PTPRD: variants seen among roughly 807,000 people sequenced by gnomAD.
The protein encoded by PTPRD is receptor-type tyrosine-protein phosphatase delta.
In PTPRD, 34 loss-of-function variants were observed where a neutral mutation model predicts 214.5. The ratio of observed to expected loss-of-function variants is 0.16; its 90% CI spans 0.12 to 0.21. The LOEUF (loss-of-function observed/expected upper bound fraction) is 0.21, where lower values mean the gene tolerates loss of function less well. Ranked by LOEUF, PTPRD falls within the 10% of genes least tolerant of loss-of-function variation. PTPRD has a pLI of 1.00. For missense variants in PTPRD, 2,545 were observed against 2,398.7 expected (o/e 1.06, Z -1.27); for synonymous variants, 1,128 against 845.7 (o/e 1.33, Z -5.79).
At chr9:9,269,901 G>A (rs867153188) in intron 9 of PTPRD, among the ~76,000 whole-genome samples, 1 of 151,152 alleles carries the variant, frequency 6.6e-6, no homozygotes, top group Admixed American at 6.6e-5. Flanking sequence ...CAAACTTTCA[G>A]TTAGAAGGCG....
At chr9:10,564,043 T>C (rs1360824395) in intron 2 of PTPRD, among the ~76,000 whole-genome samples, 1 of 151,788 alleles carries the variant, frequency 6.6e-6, no homozygotes, top group Non-Finnish European at 1.5e-5. Context: ...TCTTGCTCTG[T>C]TACACAGACT....
chr9:8,735,246 T>C (rs974384277), intron 11 of PTPRD, among the ~76,000 whole-genome samples: 9 of 150,564 alleles, frequency 6.0e-5, no homozygotes, highest in African/African-American at 2.2e-4. Context: ...CAGGTTCAAG[T>C]GGTTCTCCTG....
At chr9:9,801,090 T>C (rs1332635612) in intron 5 of PTPRD, among the ~76,000 whole-genome samples, 3 of 152,142 alleles carry the variant, frequency 2.0e-5, no homozygotes, top group Non-Finnish European at 4.4e-5. Context: ...ATCAGACACT[T>C]ATTTAAAAGT....
chr9:9,868,615 C>T (rs933656155), intron 5 of PTPRD, among the ~76,000 whole-genome samples: 1 of 151,756 alleles, frequency 6.6e-6, no homozygotes, highest in Non-Finnish European at 1.5e-5. Context: ...AAAAAAATCC[C>T]TGAGCGGGAG....
intron 7 of PTPRD, among the ~76,000 whole-genome samples, chr9:9,686,238 C>A (rs1415268982): frequency 6.6e-6 from 1 of 151,020 alleles, no homozygotes; most frequent in Non-Finnish European, 1.5e-5. Context: ...TGTATTCTAC[C>A]AATTTTACTC....
rs189321296 is a variant in PTPRD at position 9,428,514 on chromosome 9, G to T, written c.-236-31032C>A. ...ATCAATGAGACAGAAAGTTAAGAAG[G>T]ATATCCAGGAATTGAACTCAGCTCT... is the stretch of plus-strand genomic sequence containing the variant. On this transcript the variant is annotated intron_variant, in intron 8 of 45. Coordinates refer to ENST00000381196, the MANE Select transcript of PTPRD (RefSeq NM_002839.4). Among the ~76,000 whole-genome samples, 63 of 152,210 alleles carry T rather than the reference G, an allele frequency of 4.1e-4. No homozygotes were observed. In the East Asian group the frequency reaches 6.4e-3, roughly 15 times the overall value.
chr9:9,848,821 C>T (rs982615057), intron 5 of PTPRD, among the ~76,000 whole-genome samples: 1 of 152,050 alleles, frequency 6.6e-6, no homozygotes, highest in Non-Finnish European at 1.5e-5. Flanking sequence ...AAACTAATAG[C>T]TATTTGATCT....
intron 10 of PTPRD, among the ~76,000 whole-genome samples, chr9:9,120,282 G>C (rs147732706): frequency 2.2e-4 from 34 of 152,356 alleles, no homozygotes; most frequent in Admixed American, 1.9e-3. Context: ...TTGCAGAACA[G>C]TGTATGGGGG....
chr9:10,199,783 T>C, intron 3 of PTPRD, among the ~76,000 whole-genome samples: 1 of 151,878 alleles, frequency 6.6e-6, no homozygotes, highest in Non-Finnish European at 1.5e-5. Context: ...TGCACATTGG[T>C]TCATGTTTTT....
Position 9,073,424 on chromosome 9 carries a change from C to T in PTPRD, c.-142-54689G>A, listed in dbSNP as rs891116244. ...GTGTCAATATGGCTAGATCATGGTA[C>T]TCAGTTGTTTGGTCAAACACTTGTG... On this transcript the variant is annotated intron_variant, in intron 10 of 45. Coordinates refer to ENST00000381196, the MANE Select transcript of PTPRD (RefSeq NM_002839.4). Among the ~76,000 whole-genome samples, 3 of 152,144 alleles carry T rather than the reference C, an allele frequency of 2.0e-5. No individual in the cohort carries two copies. The East Asian group carries it at 5.8e-4, about 29-fold the overall frequency.
intron 5 of PTPRD, among the ~76,000 whole-genome samples, chr9:9,808,261 A>G (rs987087009): frequency 1.3e-5 from 2 of 152,162 alleles, no homozygotes; most frequent in Admixed American, 1.3e-4. Flanking sequence ...GAATTAAATT[A>G]AATTGGAAGT....
At chr9:8,776,916 GTATAA>G (rs2095506256) in intron 11 of PTPRD, among the ~76,000 whole-genome samples, 1 of 71,776 alleles carries the variant, frequency 1.4e-5, no homozygotes, top group African/African-American at 6.2e-5. Flanking sequence ...TATAATATAT[GTATAA>G]TATATAAATA....
intron 7 of PTPRD, among the ~76,000 whole-genome samples, chr9:9,654,458 A>G (rs1286746403): frequency 6.6e-6 from 1 of 152,140 alleles, no homozygotes; most frequent in Non-Finnish European, 1.5e-5. Flanking sequence ...ATACACACAC[A>G]TTACCCAGAG....
At chr9:8,919,007 G>A (rs1398144532) in intron 11 of PTPRD, among the ~76,000 whole-genome samples, 1 of 152,120 alleles carries the variant, frequency 6.6e-6, no homozygotes, top group Non-Finnish European at 1.5e-5. Flanking sequence ...TTATTTCTGA[G>A]GATTTCTAAA....
intron 9 of PTPRD, among the ~76,000 whole-genome samples, chr9:9,288,783 G>A (rs1039714953): frequency 4.0e-5 from 6 of 151,852 alleles, no homozygotes; most frequent in Non-Finnish European, 7.4e-5. Flanking sequence ...GGGACCCAGT[G>A]GGAGGTAATT....
intron 7 of PTPRD, among the ~76,000 whole-genome samples, chr9:9,672,369 A>G (rs1051074236): frequency 1.3e-5 from 2 of 152,124 alleles, no homozygotes; most frequent in Non-Finnish European, 2.9e-5. Context: ...TATTATCTAC[A>G]TTTAGGTATT....
chr9:8,428,922 A>G (rs960715260), intron 35 of PTPRD, among the ~76,000 whole-genome samples: 1 of 152,200 alleles, frequency 6.6e-6, no homozygotes, highest in Non-Finnish European at 1.5e-5. Context: ...GTCTTTTCCA[A>G]GGGAAAATAG....
At chr9:9,543,071 T>G (rs59415976) in intron 8 of PTPRD, among the ~76,000 whole-genome samples, 34,953 of 151,462 alleles carry the variant, frequency 0.23, 4,359 homozygotes, top group Non-Finnish European at 0.26. Context: ...CTCATATACA[T>G]GGAAATAAAC....
chr9:10,583,865 G>A (rs757209187), intron 2 of PTPRD, among the ~76,000 whole-genome samples: 44 of 152,186 alleles, frequency 2.9e-4, no homozygotes, highest in East Asian at 7.7e-4. Context: ...TGTCAGAAGC[G>A]CATTAAATAA....
Sources: allele counts gnomAD v4.1 joint callset (sites outside exome capture counted in the v4.1 genomes callset), GRCh38; gene constraint gnomAD v4.1.1; transcripts MANE v1.5; gene names NCBI Gene and HGNC (gene_info 2026-07-23, HGNC 2026-07-21).